Variants in EXT2 observed in about 807,000 individuals in gnomAD.
EXT2 encodes the protein exostosin-2.
Under a neutral mutation model 81.6 loss-of-function variants are expected in EXT2, and 53 were observed. The observed-to-expected ratio is 0.65, with a 90% CI of 0.52 to 0.82. EXT2 has a LOEUF of 0.82. Among genes scored for constraint, EXT2 ranks in the 40% least tolerant of loss-of-function variants. The pLI, the probability that EXT2 is intolerant of heterozygous loss-of-function variation, is 0.00. For missense variants in EXT2, 774 were observed against 910.2 expected (o/e 0.85, Z 1.93); for synonymous variants, 320 against 340.0 (o/e 0.94, Z 0.65).
At chr11:44,239,393 CT>C (rs1174306938) in intron 13 of EXT2, among the ~76,000 whole-genome samples, 63 of 125,446 alleles carry the variant, frequency 5.0e-4, no homozygotes, top group Middle Eastern at 8.3e-3. Context: ...TCTGTATATA[CT>C]TTTTTTTTTT....
chr11:44,148,911 G>A (rs759933015), intron 7 of EXT2, among the ~76,000 whole-genome samples: 2 of 152,136 alleles, frequency 1.3e-5, no homozygotes, highest in Non-Finnish European at 2.9e-5. Flanking sequence ...TTCTCCAGGG[G>A]TATTTGTCTT....
intron 9 of EXT2, among the ~76,000 whole-genome samples, chr11:44,204,722 G>A (rs1193332707): frequency 1.3e-5 from 2 of 152,238 alleles, no homozygotes; most frequent in South Asian, 4.2e-4. Flanking sequence ...TAGGTTGCAC[G>A]CCCCTTACGA....
intron 4 of EXT2, among the ~76,000 whole-genome samples, chr11:44,121,332 C>T (rs940268356): frequency 2.0e-5 from 3 of 152,182 alleles, no homozygotes; most frequent in South Asian, 4.1e-4. Flanking sequence ...GAGCACCACA[C>T]ATCAACATCT....
At chr11:44,207,984 G>A (rs1004918550) in intron 10 of EXT2, among the ~76,000 whole-genome samples, 2 of 152,104 alleles carry the variant, frequency 1.3e-5, no homozygotes, top group African/African-American at 2.4e-5. Context: ...AGATTGATGT[G>A]CGATGCCCTG....
chr11:44,118,766 C>T (rs1954258914), intron 4 of EXT2, among the ~76,000 whole-genome samples: 1 of 151,838 alleles, frequency 6.6e-6, no homozygotes, highest in African/African-American at 2.4e-5. Flanking sequence ...TACATAAGCC[C>T]CGCTGGTACC....
intron 8 of EXT2, among the ~76,000 whole-genome samples, chr11:44,187,017 C>T (rs1001160983): frequency 7.0e-6 from 1 of 142,664 alleles, no homozygotes; most frequent in South Asian, 2.4e-4. Flanking sequence ...TTCCTTCCTT[C>T]CTTCCTTCCT....
intron 8 of EXT2, among the ~76,000 whole-genome samples, chr11:44,196,791 C>T (rs141883927): frequency 8.5e-5 from 13 of 152,302 alleles, no homozygotes; most frequent in African/African-American, 3.1e-4. Context: ...TTTCCTTCTG[C>T]TGCTTCTGTT....
intron 9 of EXT2, among the ~76,000 whole-genome samples, chr11:44,201,298 C>T (rs1955519541): frequency 6.6e-6 from 1 of 152,166 alleles, no homozygotes; most frequent in South Asian, 2.1e-4. Flanking sequence ...TAGACCTCTT[C>T]ATGTTATCAG....
At chr11:44,152,752 G>A (rs1044176233) in intron 7 of EXT2, among the ~76,000 whole-genome samples, 1 of 152,144 alleles carries the variant, frequency 6.6e-6, no homozygotes, top group Non-Finnish European at 1.5e-5. Context: ...GTATGTAGAT[G>A]TCCAGTTGTT....
rs1190772900 is a variant in EXT2 at position 44,138,483 on chromosome 11, T to G, written c.1173+8345T>G. ...TTTTTTCATGGTGTACTGCAGTATT[T>G]TCCAAACCGAAGGTAATGATTCATT... On this transcript the variant is annotated intron_variant, in intron 7 of 13. Transcript: ENST00000533608. 3.3e-5 allele frequency among the ~76,000 whole-genome samples: 5 copies of G among 152,258 alleles called. No individual in the cohort carries two copies. In the East Asian group the frequency reaches 9.7e-4, roughly 29 times the overall value.
At position 44,236,284 on chromosome 11, in the gene EXT2, C is replaced by T. The variant is rs1331046841; in HGVS notation, c.1936-9C>T. On this transcript the variant is annotated splice_polypyrimidine_tract_variant and intron_variant, in intron 12 of 13. Coordinates refer to ENST00000533608, the MANE Select transcript of EXT2 (RefSeq NM_207122.2). ...GACAGCCAGGTATGTTTTTGTCCTC[C>T]TCTGGCAGGTAACCCCACGAAAGAA... is the stretch of plus-strand genomic sequence containing the variant. 2 of 1,613,604 alleles carry T rather than the reference C, an allele frequency of 1.2e-6. No individual in the cohort carries two copies. Among genetic ancestry groups the T allele is most frequent in the African/African-American group, 2.7e-5 (2 of 74,922 alleles).
At chr11:44,146,611 G>A (rs1309152709) in intron 7 of EXT2, among the ~76,000 whole-genome samples, 1 of 152,162 alleles carries the variant, frequency 6.6e-6, no homozygotes, top group African/African-American at 2.4e-5. Context: ...TTTGTGAGGC[G>A]ACTCTGCCCT....
chr11:44,172,408 G>T (rs1185768956), intron 8 of EXT2, among the ~76,000 whole-genome samples: 3 of 152,098 alleles, frequency 2.0e-5, no homozygotes, highest in Non-Finnish European at 2.9e-5. Context: ...GAAAATGCCT[G>T]AAGTTTTGGA....
intron 10 of EXT2, 102 bp from the exon 11 acceptor site, chr11:44,232,251 G>A (rs1955907713): frequency 1.4e-6 from 2 of 1,475,784 alleles, no homozygotes; most frequent in African/African-American, 2.8e-5. Context: ...AGGTTATGAT[G>A]GTTTGAACCT....
Position 44,186,764 on chromosome 11 carries a change from G to A in EXT2, c.1306-11065G>A, listed in dbSNP as rs116983972. On this transcript the variant is annotated intron_variant, in intron 8 of 13. Transcript: ENST00000533608. Reference sequence around the variant, plus strand: ...TTGAGGATGATCTGAGTGACTTGAGGTTACTTACCAAATCTCTCTTTGCAA... The same window carrying A: ...TTGAGGATGATCTGAGTGACTTGAGATTACTTACCAAATCTCTCTTTGCAA... Among the ~76,000 whole-genome samples the A allele has an allele frequency of 8.3e-3, 1,260 of 152,242 alleles. 12 individuals are homozygous for A. The highest frequency in any genetic ancestry group is 0.013 in the Non-Finnish European group (871 of 68,020).
At chr11:44,144,268 A>G (rs1954685552) in intron 7 of EXT2, 1 of 1,598,290 alleles carries the variant, frequency 6.3e-7, no homozygotes. Context: ...ACCAGCCAGG[A>G]GAGAGAACTG....
intron 3 of EXT2, 144 bp from the exon 4 acceptor site, chr11:44,114,041 A>T: frequency 1.3e-6 from 1 of 770,370 alleles, no homozygotes; most frequent in Non-Finnish European, 2.3e-6. Flanking sequence ...TGCGTGTATA[A>T]GGCATTGTCT....
Position 44,139,842 on chromosome 11 carries a change from A to T in EXT2, c.1173+9704A>T, listed in dbSNP as rs1459376681. Among the ~76,000 whole-genome samples, 5 of 152,176 alleles carry T rather than the reference A, an allele frequency of 3.3e-5. No homozygotes were observed. The East Asian group carries it at 9.7e-4, about 29-fold the overall frequency. On this transcript the variant is annotated intron_variant, in intron 7 of 13. Transcript: ENST00000533608. ...CCTGTGGAGTCATTTTAAAGTCCTT[A>T]TCAGTTTGCTGACAGCTATATGGGC...
intron 10 of EXT2, among the ~76,000 whole-genome samples, chr11:44,211,399 G>A (rs924184215): frequency 3.3e-5 from 5 of 152,104 alleles, no homozygotes; most frequent in African/African-American, 7.2e-5. Flanking sequence ...ACAGATGAGT[G>A]GATAAAGAAA....
Sources: allele counts gnomAD v4.1 joint callset (sites outside exome capture counted in the v4.1 genomes callset), GRCh38; gene constraint gnomAD v4.1.1; transcripts MANE v1.5; gene names NCBI Gene and HGNC (gene_info 2026-07-23, HGNC 2026-07-21).